Variants in SATB2 observed in about 807,000 individuals in gnomAD.
The protein encoded by SATB2 is DNA-binding protein SATB2.
Under a neutral mutation model 73.4 loss-of-function variants are expected in SATB2, and 1 was observed. That is an observed-to-expected ratio of 0.01 (90% CI 0.00 to 0.06). The LOEUF (loss-of-function observed/expected upper bound fraction) is 0.06. Among genes scored for constraint, SATB2 ranks in the 10% least tolerant of loss-of-function variants. The probability of loss-of-function intolerance (pLI) is 1.00; values close to 1 mark genes in which losing one functional copy is unlikely to be tolerated. For synonymous variants in SATB2, 397 were observed against 367.0 expected (o/e 1.08, Z -0.93); for missense variants, 459 against 945.8 (o/e 0.49, Z 6.75).
At position 199,349,068 on chromosome 2, in the gene SATB2, T is replaced by C; in HGVS notation, c.806A>G (p.Glu269Gly). Reference protein sequence around the residue: ...NQLASLGKTNEQSPHSQIHHS... With the variant: ...NQLASLGKTNGQSPHSQIHHS... ...GTGAATTTGGCTGTGAGGAGACTGT[T>C]CGTTGGTTTTCCCCAGGGATGCCAG... Residue 269 changes from glutamate (E) to glycine (G), a missense_variant, in exon 7 of 11, where the codon GAA (glutamate) becomes GGA (glycine). Physicochemically the swap from Glu to Gly is moderately conservative, Grantham distance 98. Around this residue, in one of 13 missense-constraint regions of SATB2, gnomAD observed 77 missense variants for 90.4 expected, o/e 0.85. Transcript: ENST00000417098. 2 of 1,614,102 alleles carry C rather than the reference T, an allele frequency of 1.2e-6. No homozygotes were observed. Among genetic ancestry groups the C allele is most frequent in the Non-Finnish European group, 1.7e-6 (2 of 1,179,976 alleles).
chr2:199,464,907 C>G lies in SATB2; in HGVS notation c.-212G>C, dbSNP rs1692564331. ...GAGGGGCTGTGGGTCGGCGCAGGGA[C>G]GCTGGCTGCTCACCTCCAGGAGCCG... On this transcript the variant is annotated 5_prime_UTR_variant, in exon 1 of 12. Coordinates refer to the SATB2 transcript ENST00000260926. The surrounding 1 kb of genome is among the most constrained non-coding windows in gnomAD (Gnocchi z 6.6). 6.6e-6 allele frequency: 1 copy of G among 152,240 alleles called. No homozygotes were observed. Among genetic ancestry groups the G allele is most frequent in the Admixed American group, 6.5e-5 (1 of 15,288 alleles). 9.4% of individuals were successfully genotyped at this position (152,240 alleles called of 1,614,324 possible). A position where few individuals can be genotyped will look rare whatever the true frequency, so the allele number is the denominator to read the frequency against.
intron 3 of SATB2, among the ~76,000 whole-genome samples, chr2:199,430,305 A>G (rs1398204476): frequency 1.3e-5 from 2 of 152,238 alleles, no homozygotes; most frequent in Admixed American, 6.5e-5. Context: ...AAGACTTTCA[A>G]TGCAGAGACG....
intron 7 of SATB2, among the ~76,000 whole-genome samples, chr2:199,342,007 G>A (rs921829793): frequency 9.2e-5 from 14 of 152,150 alleles, no homozygotes; most frequent in African/African-American, 3.4e-4. Context: ...CAGGAGGCTG[G>A]GAGCTGCCCT....
intron 7 of SATB2, chr2:199,347,175 T>G (rs773650234): frequency 6.6e-6 from 1 of 152,162 alleles, no homozygotes; most frequent in Non-Finnish European, 1.5e-5. Flanking sequence ...CCCAGCCCCT[T>G]AACTTCTGAA....
intron 1 of SATB2, chr2:199,470,514 G>A (rs545885331): frequency 1.3e-5 from 2 of 152,330 alleles, no homozygotes; most frequent in South Asian, 4.1e-4. Context: ...AAGAGGCGAG[G>A]GCAAGAAGCC....
chr2:199,406,611 A>G (rs1358360895), intron 3 of SATB2, among the ~76,000 whole-genome samples: 1 of 152,222 alleles, frequency 6.6e-6, no homozygotes, highest in African/African-American at 2.4e-5. Flanking sequence ...ACATTTATGA[A>G]GGTGAACTAT....
At chr2:199,314,534 G>A (rs1687678787) in intron 9 of SATB2, among the ~76,000 whole-genome samples, 1 of 152,120 alleles carries the variant, frequency 6.6e-6, no homozygotes, top group Non-Finnish European at 1.5e-5. Context: ...TCTCCTGCAT[G>A]CCATGCAATG....
rs1231369906 is a variant in SATB2 at position 199,270,695 on chromosome 2, T to C, written c.*1516A>G. 1.3e-5 allele frequency: 2 copies of C among 152,336 alleles called. No homozygotes were observed. The highest frequency in any genetic ancestry group is 2.4e-5 in the African/African-American group (1 of 41,452). The allele number at this position is 152,336 out of a possible 1,614,324, so 9.4% of individuals were successfully genotyped here. ...AAGAGATCTGGAGTACTATAGTAGA[T>C]TGCAGCTTTAATGCTCATCCCATTA... On this transcript the variant is annotated 3_prime_UTR_variant, in exon 11 of 11. Transcript: ENST00000417098.
chr2:199,339,510 C>T (rs1422172152), intron 7 of SATB2, among the ~76,000 whole-genome samples: 1 of 152,086 alleles, frequency 6.6e-6, no homozygotes, highest in African/African-American at 2.4e-5. Flanking sequence ...GCTTGATCTG[C>T]GGCATTTCAT....
intron 6 of SATB2, among the ~76,000 whole-genome samples, chr2:199,349,822 A>C (rs1379060745): frequency 6.6e-6 from 1 of 152,182 alleles, no homozygotes; most frequent in African/African-American, 2.4e-5. Flanking sequence ...CTTGCCATTA[A>C]ATGAAGTTCT....
intron 3 of SATB2, among the ~76,000 whole-genome samples, chr2:199,409,216 C>T (rs1690734018): frequency 1.8e-5 from 1 of 55,490 alleles, no homozygotes; most frequent in Non-Finnish European, 5.6e-5. Context: ...GTTGTGCAGG[C>T]TAGAGTACAA....
intron 10 of SATB2, among the ~76,000 whole-genome samples, chr2:199,279,745 GAATT>G (rs1692425155): frequency 6.6e-6 from 1 of 152,148 alleles, no homozygotes; most frequent in African/African-American, 2.4e-5. Context: ...GTTAATATTA[GAATT>G]ATTTTGACTT....
At chr2:199,344,369 C>T (rs1319213913) in intron 7 of SATB2, among the ~76,000 whole-genome samples, 2 of 152,132 alleles carry the variant, frequency 1.3e-5, no homozygotes, top group African/African-American at 4.8e-5. Flanking sequence ...GGACCAGAGC[C>T]TTTCATAACC....
intron 7 of SATB2, among the ~76,000 whole-genome samples, chr2:199,340,925 T>C (rs898532897): frequency 6.6e-6 from 1 of 151,908 alleles, no homozygotes; most frequent in Non-Finnish European, 1.5e-5. Flanking sequence ...TTTCTGAACA[T>C]ACGAATATGT....
chr2:199,343,389 T>C (rs1465133292), intron 7 of SATB2, among the ~76,000 whole-genome samples: 1 of 152,212 alleles, frequency 6.6e-6, no homozygotes, highest in Non-Finnish European at 1.5e-5. Context: ...TTTATTTTTG[T>C]TTATTATAGC....
intron 3 of SATB2, chr2:199,424,020 A>G (rs1368930340): frequency 6.6e-6 from 1 of 152,216 alleles, no homozygotes; most frequent in Non-Finnish European, 1.5e-5. Context: ...CAACTTGAGT[A>G]ACAAGCTTGT....
chr2:199,334,834 T>C (rs992571666), intron 7 of SATB2, among the ~76,000 whole-genome samples: 3 of 152,132 alleles, frequency 2.0e-5, no homozygotes, highest in African/African-American at 7.2e-5. Context: ...GGTATCCTAC[T>C]ACCTGAAAGC....
intron 7 of SATB2, chr2:199,347,028 A>G (rs1269377314): frequency 1.3e-5 from 2 of 151,628 alleles, no homozygotes; most frequent in Admixed American, 6.6e-5. Context: ...ACGCCCAGCT[A>G]ATTTTTTTGT....
chr2:199,274,918 G>A (rs1275893381), intron 10 of SATB2, among the ~76,000 whole-genome samples: 1 of 152,128 alleles, frequency 6.6e-6, no homozygotes, highest in Non-Finnish European at 1.5e-5. Context: ...TGGGCAGTAT[G>A]AGCACTGCAA....
Sources: allele counts gnomAD v4.1 joint callset (sites outside exome capture counted in the v4.1 genomes callset), GRCh38; gene constraint gnomAD v4.1.1; regional missense constraint gnomAD v4.1.1; non-coding constraint Gnocchi (gnomAD v3.1); transcripts MANE v1.5; gene names NCBI Gene and HGNC (gene_info 2026-07-23, HGNC 2026-07-21).